Variants in TM9SF2 observed in about 807,000 individuals in gnomAD.
TM9SF2 encodes the protein 76 kDa membrane protein.
Under a neutral mutation model 84.9 loss-of-function variants are expected in TM9SF2, and 13 were observed. The ratio of observed to expected loss-of-function variants is 0.15; its 90% CI spans 0.10 to 0.24. The LOEUF (loss-of-function observed/expected upper bound fraction) is 0.24. Ranked by LOEUF, TM9SF2 falls within the 10% of genes least tolerant of loss-of-function variation. The pLI, the probability that TM9SF2 is intolerant of heterozygous loss-of-function variation, is 1.00. For synonymous variants in TM9SF2, 273 were observed against 285.8 expected (o/e 0.96, Z 0.45); for missense variants, 562 against 818.5 (o/e 0.69, Z 3.82).
intron 1 of TM9SF2, among the ~76,000 whole-genome samples, chr13:99,506,765 A>T (rs1353328980): frequency 6.6e-6 from 1 of 152,142 alleles, no homozygotes; most frequent in Non-Finnish European, 1.5e-5. Flanking sequence ...CAACACAAAC[A>T]CACAGACACA....
At position 99,564,002 on chromosome 13, in the gene TM9SF2, A is replaced by G. The variant is rs78011137; in HGVS notation, c.*1244A>G. ...ATACTGTCATTAAACTTACAACTAA[A>G]ATTACTAGCTGTCACTTATATGATA... On this transcript the variant is annotated 3_prime_UTR_variant, in exon 17 of 17. Coordinates refer to ENST00000376387, the MANE Select transcript of TM9SF2 (RefSeq NM_004800.3). The G allele has an allele frequency of 6.6e-6, 1 of 151,988 alleles. No homozygotes were observed. Among genetic ancestry groups the G allele is most frequent in the African/African-American group, 2.4e-5 (1 of 41,368 alleles). 9.4% of individuals were successfully genotyped at this position (151,988 alleles called of 1,614,324 possible).
intron 13 of TM9SF2, 24 bp from the exon 14 acceptor site, chr13:99,554,280 T>TCTTC: frequency 6.3e-7 from 1 of 1,599,560 alleles, no homozygotes; most frequent in Admixed American, 1.7e-5. Flanking sequence ...AATTATGAAT[T>TCTTC]CTTCCTTCCT....
intron 1 of TM9SF2, among the ~76,000 whole-genome samples, chr13:99,516,702 T>G (rs2046136146): frequency 6.6e-6 from 1 of 152,240 alleles, no homozygotes; most frequent in South Asian, 2.1e-4. Flanking sequence ...GAGCTTGATC[T>G]GGTCATTGCC....
intron 3 of TM9SF2, 30 bp from the exon 4 acceptor site, chr13:99,529,437 G>T: frequency 6.8e-7 from 1 of 1,469,782 alleles, no homozygotes; most frequent in South Asian, 1.5e-5. Flanking sequence ...TATTTTTTCT[G>T]AATTTGCTTT....
intron 1 of TM9SF2, among the ~76,000 whole-genome samples, chr13:99,507,877 G>A (rs974759825): frequency 2.0e-5 from 3 of 152,178 alleles, no homozygotes; most frequent in Non-Finnish European, 4.4e-5. Flanking sequence ...GGACAGATGT[G>A]ATGATAGCAG....
intron 3 of TM9SF2, 99 bp downstream of exon 3, chr13:99,520,228 A>G (rs2046153472): frequency 2.0e-6 from 2 of 983,770 alleles, no homozygotes. Flanking sequence ...GCTAAGGAGG[A>G]GTTCATTTCT....
intron 4 of TM9SF2, among the ~76,000 whole-genome samples, chr13:99,532,745 A>C (rs1216601900): frequency 2.6e-5 from 4 of 152,240 alleles, no homozygotes; most frequent in African/African-American, 4.8e-5. Flanking sequence ...TATAATGCCA[A>C]GATGCTTAAT....
intron 4 of TM9SF2, among the ~76,000 whole-genome samples, chr13:99,534,858 C>A (rs2046226622): frequency 6.6e-6 from 1 of 152,006 alleles, no homozygotes; most frequent in Non-Finnish European, 1.5e-5. Flanking sequence ...AATTGAAAAT[C>A]ATATTCTTTG....
At chr13:99,521,700 CT>C (rs903825928) in intron 3 of TM9SF2, among the ~76,000 whole-genome samples, 4 of 151,638 alleles carry the variant, frequency 2.6e-5, no homozygotes, top group Admixed American at 6.6e-5. Context: ...TTCAAATATT[CT>C]TTTTTTTTCT....
chr13:99,557,920 T>A (rs1329503337), intron 15 of TM9SF2, among the ~76,000 whole-genome samples: 1 of 152,200 alleles, frequency 6.6e-6, no homozygotes, highest in Non-Finnish European at 1.5e-5. Flanking sequence ...TTATGAAGAT[T>A]TACCCCCATG....
chr13:99,530,009 T>C (rs886289663), intron 4 of TM9SF2, among the ~76,000 whole-genome samples: 2 of 152,130 alleles, frequency 1.3e-5, no homozygotes, highest in Admixed American at 6.5e-5. Context: ...ATATAGTCTA[T>C]TAAGTGTGCA....
At position 99,543,860 on chromosome 13, in the gene TM9SF2, T is replaced by C. The variant is rs1433876297; in HGVS notation, c.1018-3T>C. 6.2e-7 allele frequency: 1 copy of C among 1,613,892 alleles called. No individual in the cohort carries two copies. Among genetic ancestry groups the C allele is most frequent in the African/African-American group, 1.3e-5 (1 of 75,038 alleles). On this transcript the variant is annotated splice_region_variant and splice_polypyrimidine_tract_variant and intron_variant, in intron 9 of 16. Transcript: ENST00000376387. ...AATCGAACTGATTTCATTCCCCTTT[T>C]AGGAAGATGCCCAGGAAGAATTTGG...
At chr13:99,542,082 C>T (rs1287120378) in intron 9 of TM9SF2, among the ~76,000 whole-genome samples, 2 of 149,750 alleles carry the variant, frequency 1.3e-5, no homozygotes, top group East Asian at 2.0e-4. Context: ...ACCCAGGAGG[C>T]GGAGGCTGCA....
intron 1 of TM9SF2, among the ~76,000 whole-genome samples, chr13:99,502,293 G>T (rs2046069838): frequency 6.6e-6 from 1 of 152,222 alleles, no homozygotes; most frequent in South Asian, 2.1e-4. Flanking sequence ...GGTTAGGAGA[G>T]CTTGTTCTTT....
intron 3 of TM9SF2, among the ~76,000 whole-genome samples, chr13:99,520,547 G>A (rs560872338): frequency 2.3e-4 from 35 of 152,110 alleles, no homozygotes; most frequent in African/African-American, 7.5e-4. Flanking sequence ...CTGGGCTCCC[G>A]CACTGGGATT....
chr13:99,553,080 G>A (rs1339476009), intron 13 of TM9SF2, among the ~76,000 whole-genome samples: 1 of 152,116 alleles, frequency 6.6e-6, no homozygotes, highest in African/African-American at 2.4e-5. Flanking sequence ...TCACCCTCCA[G>A]TCGGCCTTCT....
intron 1 of TM9SF2, among the ~76,000 whole-genome samples, chr13:99,508,412 C>CAT (rs1180406381): frequency 6.7e-6 from 1 of 149,638 alleles, no homozygotes; most frequent in Non-Finnish European, 1.5e-5. Context: ...AAAACACACA[C>CAT]ACACACACAC....
At chr13:99,541,953 C>T (rs9517762) in intron 9 of TM9SF2, among the ~76,000 whole-genome samples, 5,026 of 152,132 alleles carry the variant, frequency 0.033, 114 homozygotes, top group Middle Eastern at 0.12. Context: ...AGTTCAAGAC[C>T]AGCCTGACCA....
chr13:99,547,527 T>TA (rs371081059), intron 11 of TM9SF2, among the ~76,000 whole-genome samples: 134 of 152,376 alleles, frequency 8.8e-4, no homozygotes, highest in African/African-American at 3.1e-3. Flanking sequence ...AAGTCATACT[T>TA]ACATTGTATC....
Sources: allele counts gnomAD v4.1 joint callset (sites outside exome capture counted in the v4.1 genomes callset), GRCh38; gene constraint gnomAD v4.1.1; transcripts MANE v1.5; gene names NCBI Gene and HGNC (gene_info 2026-07-23, HGNC 2026-07-21).